AUH: variants seen among roughly 807,000 people sequenced by gnomAD.
AUH encodes AU RNA binding methylglutaconyl-CoA hydratase, also known as methylglutaconyl-CoA hydratase, mitochondrial.
In AUH, 29 loss-of-function variants were observed where a neutral mutation model predicts 42.3. The observed-to-expected ratio is 0.69, with a 90% confidence interval of 0.51 to 0.93. AUH has a LOEUF of 0.93. Ranked by LOEUF, AUH falls within the 40% of genes least tolerant of loss-of-function variation. AUH has a pLI of 0.00. For synonymous variants in AUH, 174 were observed against 166.4 expected (o/e 1.05, Z -0.35); for missense variants, 452 against 438.1 (o/e 1.03, Z -0.28).
intron 6 of AUH, among the ~76,000 whole-genome samples, chr9:91,230,907 C>T (rs1233138675): frequency 2.0e-5 from 3 of 152,330 alleles, no homozygotes; most frequent in South Asian, 2.1e-4. Flanking sequence ...GGCAGTCTGC[C>T]CGTTCTCCGA....
At position 91,240,010 on chromosome 9, in the gene AUH, C is replaced by A. The variant is rs188999553; in HGVS notation, c.656-19018G>T. 2.1e-4 allele frequency among the ~76,000 whole-genome samples: 32 copies of A among 152,286 alleles called. 1 individual carries two copies. The East Asian group carries it at 6.2e-3, about 29-fold the overall frequency. On this transcript the variant is annotated intron_variant, in intron 6 of 9. Transcript: ENST00000375731. ...TTTCATTAATATTTATTATAGAAAG[C>A]TTTTTCAACTATTATGCCACACACT... is the stretch of plus-strand genomic sequence containing the variant.
intron 6 of AUH, among the ~76,000 whole-genome samples, chr9:91,241,386 CA>C (rs1379412410): frequency 6.6e-6 from 1 of 151,888 alleles, no homozygotes; most frequent in African/African-American, 2.4e-5. Context: ...TTTATATAGA[CA>C]ATATGTTATA....
chr9:91,221,822 C>A (rs540582851), intron 6 of AUH, among the ~76,000 whole-genome samples: 1 of 152,196 alleles, frequency 6.6e-6, no homozygotes, highest in South Asian at 2.1e-4. Flanking sequence ...CTCACTAGAT[C>A]CATCTATGTA....
At chr9:91,295,825 A>G (rs1030796637) in intron 6 of AUH, among the ~76,000 whole-genome samples, 196 bp downstream of exon 6, 3 of 152,220 alleles carry the variant, frequency 2.0e-5, no homozygotes, top group Admixed American at 1.3e-4. Context: ...GCTCTATCGC[A>G]GTATTTGTTT....
At chr9:91,249,203 G>T (rs577263352) in intron 6 of AUH, among the ~76,000 whole-genome samples, 1 of 149,674 alleles carries the variant, frequency 6.7e-6, no homozygotes, top group Non-Finnish European at 1.5e-5. Flanking sequence ...GGGCTAAGGT[G>T]GGGGGATCAC....
At chr9:91,324,986 G>A (rs992476975) in intron 4 of AUH, among the ~76,000 whole-genome samples, 5 of 151,936 alleles carry the variant, frequency 3.3e-5, no homozygotes, top group African/African-American at 1.2e-4. Context: ...GTATGATCCT[G>A]TATATTTAAA....
chr9:91,322,564 C>T, intron 4 of AUH, among the ~76,000 whole-genome samples: 1 of 152,088 alleles, frequency 6.6e-6, no homozygotes, highest in South Asian at 2.1e-4. Context: ...AGTGAGAAAA[C>T]AGTAACAAAA....
chr9:91,334,451 ACATCT>A (rs1170703014), intron 3 of AUH, among the ~76,000 whole-genome samples: 4 of 152,166 alleles, frequency 2.6e-5, no homozygotes, highest in Non-Finnish European at 4.4e-5. Context: ...TAGAGTTGGG[ACATCT>A]CATCTCATCT....
chr9:91,327,326 TGA>T (rs1215172266), intron 3 of AUH, among the ~76,000 whole-genome samples: 5 of 152,174 alleles, frequency 3.3e-5, no homozygotes, highest in Non-Finnish European at 5.9e-5. Flanking sequence ...GCTGCTGGTT[TGA>T]GAGAGTCCAT....
intron 6 of AUH, among the ~76,000 whole-genome samples, chr9:91,294,177 ATGT>A (rs2131634861): frequency 6.6e-6 from 1 of 152,350 alleles, no homozygotes; most frequent in South Asian, 2.1e-4. Context: ...AAGGAGATGA[ATGT>A]TGTTTTCATG....
chr9:91,235,203 T>G (rs1367547986), intron 6 of AUH, among the ~76,000 whole-genome samples: 1 of 152,074 alleles, frequency 6.6e-6, no homozygotes, highest in Non-Finnish European at 1.5e-5. Flanking sequence ...GGAGAAGAGA[T>G]GATAGGGGCA....
In AUH at chr9:91,352,484, T is replaced by C. The variant is rs117399793; in HGVS notation, c.418+3399A>G. Among the ~76,000 whole-genome samples the C allele has an allele frequency of 2.4e-3, 364 of 152,236 alleles. 2 individuals are homozygous for C. The highest frequency in any genetic ancestry group is 4.6e-3 in the Admixed American group (71 of 15,300). On this transcript the variant is annotated intron_variant, in intron 3 of 9. Coordinates refer to ENST00000375731, the MANE Select transcript of AUH (RefSeq NM_001698.3). The stretch of plus-strand genomic sequence containing the variant: ...AGGGTTAGAGAGAGTTCTCTCTGTA[T>C]ACATTTTCATACATTTTGACCTACC...
intron 6 of AUH, among the ~76,000 whole-genome samples, chr9:91,274,361 G>A (rs993629136): frequency 6.6e-6 from 1 of 152,176 alleles, no homozygotes; most frequent in Non-Finnish European, 1.5e-5. Flanking sequence ...GTGTTATGAT[G>A]ACACATCAAT....
At chr9:91,300,987 A>G (rs1188530785) in intron 4 of AUH, among the ~76,000 whole-genome samples, 1 of 152,218 alleles carries the variant, frequency 6.6e-6, no homozygotes, top group Non-Finnish European at 1.5e-5. Flanking sequence ...AATGCTACTC[A>G]ATAACGTTCT....
At chr9:91,291,149 C>T (rs1826845934) in intron 6 of AUH, among the ~76,000 whole-genome samples, 1 of 152,228 alleles carries the variant, frequency 6.6e-6, no homozygotes, top group South Asian at 2.1e-4. Flanking sequence ...TCTGTCTTCG[C>T]ATCACCTTCT....
At chr9:91,335,112 T>C (rs942893792) in intron 3 of AUH, among the ~76,000 whole-genome samples, 1 of 152,234 alleles carries the variant, frequency 6.6e-6, no homozygotes, top group African/African-American at 2.4e-5. Flanking sequence ...TCTCTTTTTC[T>C]ATTTTCTCAA....
intron 4 of AUH, among the ~76,000 whole-genome samples, chr9:91,303,064 T>C (rs927418500): frequency 2.0e-5 from 3 of 152,048 alleles, no homozygotes; most frequent in African/African-American, 7.3e-5. Context: ...TTTGAAATGC[T>C]CCTAAAAATA....
At chr9:91,314,850 T>G (rs1272844225) in intron 4 of AUH, among the ~76,000 whole-genome samples, 1 of 152,246 alleles carries the variant, frequency 6.6e-6, no homozygotes, top group East Asian at 1.9e-4. Flanking sequence ...CATTTCTTCC[T>G]GATAAAGAGA....
At chr9:91,306,141 C>CA (rs1406189750) in intron 4 of AUH, among the ~76,000 whole-genome samples, 2 of 152,276 alleles carry the variant, frequency 1.3e-5, no homozygotes, top group East Asian at 3.9e-4. Context: ...CCCCAAAACC[C>CA]ACAGTGTGGC....
Sources: gnomAD v4.1 joint callset for allele counts (sites outside exome capture counted in the v4.1 genomes callset) on GRCh38, gnomAD v4.1.1 for gene constraint, MANE v1.5 for transcripts, NCBI Gene and HGNC (gene_info 2026-07-23, HGNC 2026-07-21) for gene names.